The following PRICKLE2 variants were observed in gnomAD, a reference collection of about 807,000 sequenced individuals.
The protein encoded by PRICKLE2 is prickle planar cell polarity protein 2, also known as prickle-like protein 2.
In PRICKLE2, 21 loss-of-function variants were observed where a neutral mutation model predicts 81.4. The ratio of observed to expected loss-of-function variants is 0.26; its 90% CI spans 0.18 to 0.37. The LOEUF is 0.37. Ranked by LOEUF, PRICKLE2 falls within the 10% of genes least tolerant of loss-of-function variation. The pLI, the probability that PRICKLE2 is intolerant of heterozygous loss-of-function variation, is 1.00. For synonymous variants in PRICKLE2, 456 were observed against 421.5 expected, an observed-to-expected ratio of 1.08 and a Z score of -1.00; for missense variants, 940 against 1,109.0, an observed-to-expected ratio of 0.85 and a Z score of 2.16.
At chr3:64,219,895 A>T (rs962535294) in intron 1 of PRICKLE2, among the ~76,000 whole-genome samples, 7 of 152,186 alleles carry the variant, frequency 4.6e-5, no homozygotes, top group African/African-American at 1.7e-4. Context: ...TGATTTCTCA[A>T]TTACTAAATA....
chr3:64,190,423 T>C (rs536234112), intron 2 of PRICKLE2: 1 of 152,138 alleles, frequency 6.6e-6, no homozygotes, highest in South Asian at 2.1e-4. Context: ...CAACCTGAAA[T>C]TATCTTACTT....
intron 2 of PRICKLE2, among the ~76,000 whole-genome samples, chr3:64,173,874 C>T (rs1036476166): frequency 3.3e-5 from 5 of 152,188 alleles, no homozygotes; most frequent in South Asian, 2.1e-4. Context: ...CTCTAAACCA[C>T]GCTTTTCTTT....
At chr3:64,182,623 C>T (rs1406201795) in intron 2 of PRICKLE2, 1 of 152,186 alleles carries the variant, frequency 6.6e-6, no homozygotes, top group Non-Finnish European at 1.5e-5. Flanking sequence ...AGAAAGCCCT[C>T]ACCAGATGCT....
intron 2 of PRICKLE2, among the ~76,000 whole-genome samples, chr3:64,170,559 C>T (rs2077911362): frequency 6.6e-6 from 1 of 152,120 alleles, no homozygotes; most frequent in African/African-American, 2.4e-5. Flanking sequence ...TGTCACTGCT[C>T]TGCTCAAAAC....
chr3:64,140,610 T>C (rs2077345311), intron 7 of PRICKLE2, among the ~76,000 whole-genome samples: 1 of 152,174 alleles, frequency 6.6e-6, no homozygotes, highest in Non-Finnish European at 1.5e-5. Flanking sequence ...CTCTACTATA[T>C]ACCTGGTCCC....
In PRICKLE2 at chr3:64,141,693, T is replaced by C. The variant is rs1458345728; in HGVS notation, c.1660+5137A>G. Reference sequence around the variant, plus strand: ...TGTACACTCCCAGTTCTAAACACATTGGGAGAGGCCAAAGCCCAGATCTGA... The same window carrying C: ...TGTACACTCCCAGTTCTAAACACATCGGGAGAGGCCAAAGCCCAGATCTGA... On this transcript the variant is annotated intron_variant, in intron 7 of 7. Transcript: ENST00000638394. 1.9e-5 allele frequency: 9 copies of C among 470,664 alleles called. 1 individual carries two copies. The highest frequency in any genetic ancestry group is 2.8e-6 in the Non-Finnish European group (1 of 359,704). The allele number at this position is 470,664 out of a possible 1,614,324, so 29.2% of individuals were successfully genotyped here.
chr3:64,190,049 T>C (rs184653917), intron 2 of PRICKLE2, among the ~76,000 whole-genome samples: 135 of 152,320 alleles, frequency 8.9e-4, no homozygotes, highest in Admixed American at 1.8e-3. Flanking sequence ...CTCCCCAAAT[T>C]CTTTGTGCAC....
At chr3:64,250,038 A>C (rs1040196872) in intron 2 of PRICKLE2, among the ~76,000 whole-genome samples, 1 of 152,210 alleles carries the variant, frequency 6.6e-6, no homozygotes, top group Admixed American at 6.5e-5. Flanking sequence ...CAAATGCCAC[A>C]TTCACATTCA....
At chr3:64,180,508 T>A (rs1328390406) in intron 2 of PRICKLE2, among the ~76,000 whole-genome samples, 1 of 151,342 alleles carries the variant, frequency 6.6e-6, no homozygotes, top group Non-Finnish European at 1.5e-5. Context: ...CCATTTTCCT[T>A]TCAGTATCTA....
At chr3:64,234,304 T>A (rs2079149123) in intron 2 of PRICKLE2, among the ~76,000 whole-genome samples, 1 of 49,648 alleles carries the variant, frequency 2.0e-5, no homozygotes, top group Non-Finnish European at 9.6e-5. Flanking sequence ...GCTTCCCATT[T>A]CTTCATCTTT....
Position 64,119,332 on chromosome 3 carries a change from T to C in PRICKLE2, c.1661-19407A>G, listed in dbSNP as rs543445277. Among the ~76,000 whole-genome samples, 10 of 152,306 alleles carry C rather than the reference T, an allele frequency of 6.6e-5. No individual in the cohort carries two copies. The East Asian group carries it at 9.6e-4, about 15-fold the overall frequency. The stretch of plus-strand genomic sequence containing the variant: ...CAAACCCCCATAACACAAGTTTACC[T>C]ACATAACAAATGTTTGCATGTAACT... On this transcript the variant is annotated intron_variant, in intron 7 of 7. Transcript: ENST00000638394.
intron 4 of PRICKLE2, 89 bp downstream of exon 4, chr3:64,159,851 T>G: frequency 6.5e-7 from 1 of 1,529,230 alleles, no homozygotes; most frequent in Non-Finnish European, 9.1e-7. Flanking sequence ...AGGCACATAG[T>G]AGGCACTCAG....
chr3:64,257,067 C>T (rs2079535896), intron 2 of PRICKLE2, among the ~76,000 whole-genome samples: 1 of 152,182 alleles, frequency 6.6e-6, no homozygotes, highest in Non-Finnish European at 1.5e-5. Flanking sequence ...AAGTCACATA[C>T]ATGATATTCA....
chr3:64,102,306 GGTCA>G (rs1457432887), intron 7 of PRICKLE2: 1 of 152,158 alleles, frequency 6.6e-6, no homozygotes, highest in African/African-American at 2.4e-5. Flanking sequence ...GGAGGTGAGT[GGTCA>G]GTAAGGGAAG....
chr3:64,199,518 CTG>C (rs1484420755), intron 1 of PRICKLE2: 2 of 155,420 alleles, frequency 1.3e-5, no homozygotes, highest in African/African-American at 4.8e-5. Context: ...TGAAACGTAT[CTG>C]GCCCTAAGAT....
intron 6 of PRICKLE2, among the ~76,000 whole-genome samples, chr3:64,150,434 G>A (rs26941): frequency 0.96 from 145,567 of 152,136 alleles, 69,879 homozygotes; most frequent in East Asian, 1. Flanking sequence ...CTTTTATTGC[G>A]TTAGGTCTGA....
intron 6 of PRICKLE2, among the ~76,000 whole-genome samples, chr3:64,151,957 C>A (rs1423633685): frequency 6.6e-6 from 1 of 152,130 alleles, no homozygotes; most frequent in Non-Finnish European, 1.5e-5. Context: ...GAGGTCTTCA[C>A]AGCAGAGCTT....
chr3:64,185,072 AT>A (rs887523814), intron 2 of PRICKLE2, among the ~76,000 whole-genome samples: 1 of 152,204 alleles, frequency 6.6e-6, no homozygotes, highest in African/African-American at 2.4e-5. Context: ...ACAAGCCCAA[AT>A]GTTAGGGCCT....
intron 2 of PRICKLE2, among the ~76,000 whole-genome samples, chr3:64,249,296 A>G (rs1056396228): frequency 6.6e-6 from 1 of 152,152 alleles, no homozygotes; most frequent in African/African-American, 2.4e-5. Context: ...ATCTCATGAG[A>G]ACTCACTCAC....
Sources: allele counts gnomAD v4.1 joint callset (sites outside exome capture counted in the v4.1 genomes callset), GRCh38; gene constraint gnomAD v4.1.1; transcripts MANE v1.5; gene names NCBI Gene and HGNC (gene_info 2026-07-23, HGNC 2026-07-21).